The following TMEFF2 variants were observed in gnomAD, a reference collection of about 807,000 sequenced individuals.
TMEFF2 encodes transmembrane protein with EGF like and two follistatin like domains 2.
Under a neutral mutation model 53.8 loss-of-function variants are expected in TMEFF2, and 28 were observed. The ratio of observed to expected loss-of-function variants is 0.52; its 90% confidence interval spans 0.39 to 0.71. The LOEUF is 0.71. TMEFF2 is among the 30% of genes least tolerant of loss of function. TMEFF2 has a pLI of 0.00. For synonymous variants in TMEFF2, 162 were observed against 166.3 expected (o/e 0.97, Z 0.20); for missense variants, 353 against 455.2 (o/e 0.78, Z 2.04).
chr2:191,956,730 C>G (rs144566598), intron 7 of TMEFF2, among the ~76,000 whole-genome samples: 76 of 152,178 alleles, frequency 5.0e-4, no homozygotes, highest in African/African-American at 1.7e-3. Flanking sequence ...TTTTAAATTT[C>G]AAAGCCCAGC....
chr2:192,122,175 T>G (rs1238827568), intron 4 of TMEFF2, among the ~76,000 whole-genome samples: 1 of 152,150 alleles, frequency 6.6e-6, no homozygotes, highest in Non-Finnish European at 1.5e-5. Flanking sequence ...TACATAATTA[T>G]TATTTGTCAA....
At chr2:192,099,501 T>C (rs1473943126) in intron 4 of TMEFF2, among the ~76,000 whole-genome samples, 1 of 152,180 alleles carries the variant, frequency 6.6e-6, no homozygotes, top group Non-Finnish European at 1.5e-5. Flanking sequence ...TTTCTTGGGT[T>C]GGCAATGCTC....
intron 4 of TMEFF2, among the ~76,000 whole-genome samples, chr2:192,104,197 T>C (rs1689096316): frequency 6.6e-6 from 1 of 152,134 alleles, no homozygotes. Flanking sequence ...ATTTATTTCA[T>C]AGGTAGCTTC....
At chr2:192,017,942 G>A (rs903893983) in intron 5 of TMEFF2, among the ~76,000 whole-genome samples, 1 of 152,172 alleles carries the variant, frequency 6.6e-6, no homozygotes, top group African/African-American at 2.4e-5. Flanking sequence ...AGAAGCCTAT[G>A]AGCCAGAGTT....
At chr2:191,954,378 G>T (rs2105785338) in intron 8 of TMEFF2, among the ~76,000 whole-genome samples, 1 of 152,080 alleles carries the variant, frequency 6.6e-6, no homozygotes, top group South Asian at 2.1e-4. Context: ...AATTTCAAAG[G>T]TAGGAGGATT....
At chr2:192,167,691 G>A (rs1690803042) in intron 4 of TMEFF2, among the ~76,000 whole-genome samples, 1 of 152,142 alleles carries the variant, frequency 6.6e-6, no homozygotes, top group Non-Finnish European at 1.5e-5. Flanking sequence ...CATGTGTGAA[G>A]CAAACAGATG....
chr2:191,988,140 C>G (rs541344461), intron 7 of TMEFF2, among the ~76,000 whole-genome samples: 3 of 152,162 alleles, frequency 2.0e-5, no homozygotes. Flanking sequence ...TAATAGTTGC[C>G]TATCACTGTT....
rs1398234186 is a variant in TMEFF2 at position 192,136,202 on chromosome 2, A to C, written c.439+43466T>G. Among the ~76,000 whole-genome samples, 3 of 152,206 alleles carry C rather than the reference A, an allele frequency of 2.0e-5. No homozygotes were observed. The East Asian group carries it at 5.8e-4, about 29-fold the overall frequency. ...ATTAATTCAGCAGTTATTATAATCC[A>C]TCTTTAATTGGATTAGCTATAATTA... On this transcript the variant is annotated intron_variant, in intron 4 of 9. Coordinates refer to ENST00000272771, the MANE Select transcript of TMEFF2 (RefSeq NM_016192.4).
rs539947553 is a variant in TMEFF2, at chr2:192,140,088, G to A, written c.439+39580C>T. Among the ~76,000 whole-genome samples, 28 of 152,256 alleles carry A rather than the reference G, an allele frequency of 1.8e-4. No individual in the cohort carries two copies. The East Asian group carries it at 3.9e-3, about 21-fold the overall frequency. On this transcript the variant is annotated intron_variant, in intron 4 of 9. Transcript: ENST00000272771. ...TTTTAAATGATCTTGACAGGTTAAA[G>A]GGATGAGGCAAAGCCAGCATAATGA...
intron 4 of TMEFF2, among the ~76,000 whole-genome samples, chr2:192,103,028 A>G (rs550255523): frequency 6.6e-6 from 1 of 152,200 alleles, no homozygotes; most frequent in Admixed American, 6.5e-5. Flanking sequence ...CACTCTGGAC[A>G]TTAATGATGG....
At chr2:192,041,288 A>G (rs985603007) in intron 5 of TMEFF2, among the ~76,000 whole-genome samples, 1 of 152,220 alleles carries the variant, frequency 6.6e-6, no homozygotes, top group African/African-American at 2.4e-5. Context: ...CAAATCGCTG[A>G]ATTTAAGAAT....
chr2:192,189,438 G>C (rs929753050), intron 2 of TMEFF2, among the ~76,000 whole-genome samples: 1 of 150,896 alleles, frequency 6.6e-6, no homozygotes, highest in Non-Finnish European at 1.5e-5. Flanking sequence ...CCAGCTACTC[G>C]GGAGGCTGAG....
intron 4 of TMEFF2, among the ~76,000 whole-genome samples, chr2:192,147,275 T>TACTTCTATCTACTATA (rs1455444403): frequency 6.6e-6 from 1 of 152,020 alleles, no homozygotes; most frequent in African/African-American, 2.4e-5. Flanking sequence ...TAGCAGACAG[T>TACTTCTATCTACTATA]AGTCCACTTA....
rs534920751 is a variant in TMEFF2 at position 192,029,562 on chromosome 2, A to G, written c.536+28117T>C. ...AGGATGAGCATTTCGTGATGGAGGA[A>G]GTGGCATCACAGGTAGAAGATGCTA... On this transcript the variant is annotated intron_variant, in intron 5 of 9. Transcript: ENST00000272771. Among the ~76,000 whole-genome samples, 4 of 152,338 alleles carry G rather than the reference A, an allele frequency of 2.6e-5. No individual in the cohort carries two copies. In the South Asian group the frequency reaches 8.3e-4, roughly 32 times the overall value.
rs116662033 is a variant in TMEFF2, at chr2:191,952,109, T to A, written c.1028+1570A>T. Among the ~76,000 whole-genome samples the A allele has an allele frequency of 6.4e-3, 970 of 152,298 alleles. 8 individuals are homozygous for A. The highest frequency in any genetic ancestry group is 0.015 in the Admixed American group (227 of 15,304). On this transcript the variant is annotated intron_variant, in intron 9 of 9. Coordinates refer to ENST00000272771, the MANE Select transcript of TMEFF2 (RefSeq NM_016192.4). Reference sequence around the variant, plus strand: ...CAATTTGCCAACTTCTACCTCAGGGTCTCTATCTTGAAAGTGGAGATAATT... The same window carrying A: ...CAATTTGCCAACTTCTACCTCAGGGACTCTATCTTGAAAGTGGAGATAATT...
intron 4 of TMEFF2, among the ~76,000 whole-genome samples, chr2:192,076,224 A>G (rs1688428882): frequency 6.6e-6 from 1 of 152,104 alleles, no homozygotes; most frequent in African/African-American, 2.4e-5. Flanking sequence ...TTCTTTACTC[A>G]AATATCTATT....
intron 4 of TMEFF2, among the ~76,000 whole-genome samples, chr2:192,132,720 C>G (rs1424923529): frequency 6.6e-6 from 1 of 152,184 alleles, no homozygotes; most frequent in Non-Finnish European, 1.5e-5. Flanking sequence ...AATCTGACCA[C>G]CAGGGCAAGG....
At chr2:192,102,734 A>G (rs1043094440) in intron 4 of TMEFF2, among the ~76,000 whole-genome samples, 2 of 145,282 alleles carry the variant, frequency 1.4e-5, no homozygotes, top group Non-Finnish European at 3.0e-5. Context: ...AGGTGGCACG[A>G]TAATTTTTGT....
intron 7 of TMEFF2, among the ~76,000 whole-genome samples, chr2:191,966,074 G>A (rs1004409988): frequency 3.3e-5 from 5 of 152,064 alleles, no homozygotes; most frequent in Middle Eastern, 3.4e-3. Context: ...TAAAATAAAG[G>A]AATGTTTCCC....
Sources: allele counts gnomAD v4.1 joint callset (sites outside exome capture counted in the v4.1 genomes callset), GRCh38; gene constraint gnomAD v4.1.1; transcripts MANE v1.5; gene names NCBI Gene and HGNC (gene_info 2026-07-23, HGNC 2026-07-21).